Variants in ARFGEF2 observed in about 807,000 individuals in gnomAD.
ARFGEF2 encodes brefeldin A-inhibited guanine nucleotide-exchange protein 2.
A neutral mutation model predicts 219.9 loss-of-function variants in ARFGEF2; 74 were observed. The ratio of observed to expected loss-of-function variants is 0.34; its 90% CI spans 0.28 to 0.41. ARFGEF2 has a LOEUF of 0.41. ARFGEF2 is among the 10% of genes least tolerant of loss of function. The pLI is 1.00. For missense variants in ARFGEF2, 1,743 were observed against 2,218.3 expected (o/e 0.79, Z 4.30); for synonymous variants, 733 against 799.2 (o/e 0.92, Z 1.40).
chr20:48,942,484 T>G (rs968040628), intron 3 of ARFGEF2, among the ~76,000 whole-genome samples: 9 of 139,714 alleles, frequency 6.4e-5, no homozygotes, highest in Non-Finnish European at 1.2e-4. Context: ...TTTTTTTTTT[T>G]TTTTTTTTTT....
chr20:48,964,458 T>TGTGGAGG (rs2091175795), intron 7 of ARFGEF2, among the ~76,000 whole-genome samples: 1 of 152,214 alleles, frequency 6.6e-6, no homozygotes, highest in Non-Finnish European at 1.5e-5. Flanking sequence ...CACATAGAGA[T>TGTGGAGG]GCCAAGGGCC....
intron 22 of ARFGEF2, 93 bp downstream of exon 22, chr20:48,994,691 G>A (rs746064479): frequency 3.7e-5 from 57 of 1,547,372 alleles, no homozygotes; most frequent in Non-Finnish European, 4.8e-5. Context: ...CCTGTAAACC[G>A]TCTCTTCCTT....
At chr20:48,946,587 G>A (rs1267691491) in intron 3 of ARFGEF2, among the ~76,000 whole-genome samples, 7 of 151,436 alleles carry the variant, frequency 4.6e-5, no homozygotes, top group East Asian at 1.9e-4. Flanking sequence ...GTGCAGTGGC[G>A]TGATCAGGCT....
chr20:48,938,330 C>T (rs1048100352), intron 1 of ARFGEF2, among the ~76,000 whole-genome samples: 3 of 152,212 alleles, frequency 2.0e-5, no homozygotes, highest in African/African-American at 7.2e-5. Context: ...CACTGAAGCA[C>T]TTTCTCCTCG....
At chr20:49,006,490 G>A (rs2091460072) in intron 26 of ARFGEF2, among the ~76,000 whole-genome samples, 1 of 152,092 alleles carries the variant, frequency 6.6e-6, no homozygotes, top group South Asian at 2.1e-4. Flanking sequence ...AAATATCAGT[G>A]GTGGTAATGG....
chr20:48,934,544 C>T (rs906951636), intron 1 of ARFGEF2, among the ~76,000 whole-genome samples: 2 of 152,124 alleles, frequency 1.3e-5, no homozygotes, highest in African/African-American at 4.8e-5. Context: ...GTGATGTGTG[C>T]CTCCCTGTGT....
chr20:49,032,230 C>T (rs751609559), intron 38 of ARFGEF2, 64 bp downstream of exon 38: 9 of 1,137,548 alleles, frequency 7.9e-6, no homozygotes, highest in South Asian at 1.2e-5. Context: ...GCTTTTTACT[C>T]AAGAGTTTGC....
chr20:48,943,582 T>G (rs1204250476), intron 3 of ARFGEF2, among the ~76,000 whole-genome samples: 1 of 152,174 alleles, frequency 6.6e-6, no homozygotes, highest in African/African-American at 2.4e-5. Flanking sequence ...TCTTTTTTGT[T>G]TATTTTGAGT....
intron 14 of ARFGEF2, 54 bp downstream of exon 14, chr20:48,976,253 TG>T (rs1481822931): frequency 6.3e-7 from 1 of 1,598,578 alleles, no homozygotes; most frequent in Non-Finnish European, 8.5e-7. Flanking sequence ...ATATTTTCTC[TG>T]GGAACCTGGA....
chr20:48,990,479 C>G (rs1308978056), intron 20 of ARFGEF2, among the ~76,000 whole-genome samples: 1 of 152,210 alleles, frequency 6.6e-6, no homozygotes. Context: ...CCATGCATCA[C>G]TTTGTAAGTC....
intron 38 of ARFGEF2, among the ~76,000 whole-genome samples, chr20:49,032,599 T>G (rs2091642812): frequency 6.8e-6 from 1 of 148,128 alleles, no homozygotes; most frequent in African/African-American, 2.4e-5. Context: ...TTCAACTTCT[T>G]TTTTTTTTTT....
intron 6 of ARFGEF2, 34 bp downstream of exon 6, chr20:48,953,824 G>C (rs2091089098): frequency 6.3e-7 from 1 of 1,593,840 alleles, no homozygotes; most frequent in East Asian, 2.2e-5. Context: ...CTTTTTCCAA[G>C]TGTGAGAGGG....
chr20:48,966,217 A>C (rs1207950703), intron 8 of ARFGEF2, among the ~76,000 whole-genome samples, 194 bp downstream of exon 8: 1 of 152,216 alleles, frequency 6.6e-6, no homozygotes, highest in Non-Finnish European at 1.5e-5. Context: ...CTTGGTATAT[A>C]ACATCATTAT....
At chr20:48,956,705 G>A (rs927825653) in intron 6 of ARFGEF2, among the ~76,000 whole-genome samples, 1 of 151,972 alleles carries the variant, frequency 6.6e-6, no homozygotes, top group Non-Finnish European at 1.5e-5. Context: ...TCAGCCTCCC[G>A]AGTAGCTGGG....
chr20:48,968,387 G>A (rs888679016), intron 8 of ARFGEF2, among the ~76,000 whole-genome samples: 7 of 149,668 alleles, frequency 4.7e-5, no homozygotes, highest in Admixed American at 2.7e-4. Context: ...TTTGTTACCC[G>A]TTTATCCTGC....
At chr20:48,923,394 A>G (rs901544186) in intron 1 of ARFGEF2, among the ~76,000 whole-genome samples, 2 of 152,182 alleles carry the variant, frequency 1.3e-5, no homozygotes, top group South Asian at 4.1e-4. Context: ...ACTTCCCTGG[A>G]AAGAAGGTCC....
chr20:48,936,096 C>T (rs1447689513), intron 1 of ARFGEF2, among the ~76,000 whole-genome samples: 1 of 144,564 alleles, frequency 6.9e-6, no homozygotes. Flanking sequence ...ACCTCCCTCC[C>T]GGACGGGGCG....
At chr20:49,016,476 T>C in intron 31 of ARFGEF2, 61 bp downstream of exon 31, 4 of 1,571,088 alleles carry the variant, frequency 2.5e-6, no homozygotes, top group Non-Finnish European at 2.6e-6. Flanking sequence ...AGGTTAGTTT[T>C]TTCAATATTT....
At chr20:49,013,781 G>T (rs1365596268) in intron 29 of ARFGEF2, 50 bp from the exon 30 acceptor site, 1 of 1,613,994 alleles carries the variant, frequency 6.2e-7, no homozygotes, top group South Asian at 1.1e-5. Context: ...CTTCTCTGTT[G>T]TTCTCTTCTC....
Sources: gnomAD v4.1 joint callset for allele counts (sites outside exome capture counted in the v4.1 genomes callset) on GRCh38, gnomAD v4.1.1 for gene constraint, MANE v1.5 for transcripts, NCBI Gene and HGNC (gene_info 2026-07-23, HGNC 2026-07-21) for gene names.